The following UBE2E2 variants were observed in gnomAD, a reference collection of about 807,000 sequenced individuals.
The protein encoded by UBE2E2 is ubiquitin-conjugating enzyme E2 E2.
A neutral mutation model predicts 24.7 loss-of-function variants in UBE2E2; 6 were observed. That is an observed-to-expected ratio of 0.24 (90% CI 0.13 to 0.48). The LOEUF is 0.48. Ranked by LOEUF, UBE2E2 falls within the 20% of genes least tolerant of loss-of-function variation. UBE2E2 has a pLI of 0.99. For missense variants in UBE2E2, 169 were observed against 245.0 expected, an observed-to-expected ratio of 0.69 and a Z score of 2.07; for synonymous variants, 104 against 83.6, an observed-to-expected ratio of 1.24 and a Z score of -1.33.
rs548283472 is a variant in UBE2E2, at chr3:23,472,410, C to CT, written c.228-27197dup. 8.9e-4 allele frequency among the ~76,000 whole-genome samples: 136 copies of CT among 152,176 alleles called. 1 individual carries two copies. Among genetic ancestry groups the CT allele is most frequent in the Non-Finnish European group, 1.7e-3 (116 of 68,032 alleles). On this transcript the variant is annotated intron_variant, in intron 3 of 5. Coordinates refer to ENST00000396703, the MANE Select transcript of UBE2E2 (RefSeq NM_152653.4). ...AGCACTTAGATACAGGACCATGTGA[C>CT]TGAGTCCTGGCCACCGACAAGGGGT...
At chr3:23,572,118 CA>C (rs1431523241) in intron 5 of UBE2E2, among the ~76,000 whole-genome samples, 3 of 152,108 alleles carry the variant, frequency 2.0e-5, no homozygotes, top group African/African-American at 7.2e-5. Context: ...TTAGCATTCC[CA>C]ATTTTAGATC....
chr3:23,504,150 A>C (rs1694376027), intron 4 of UBE2E2, among the ~76,000 whole-genome samples: 1 of 152,184 alleles, frequency 6.6e-6, no homozygotes, highest in African/African-American at 2.4e-5. Context: ...ATACATAAAC[A>C]CACATACACC....
chr3:23,584,528 G>A (rs780548126), intron 5 of UBE2E2, among the ~76,000 whole-genome samples: 12 of 151,334 alleles, frequency 7.9e-5, no homozygotes, highest in East Asian at 1.9e-4. Context: ...CAAAAAATGC[G>A]AAGAGGTAGA....
intron 3 of UBE2E2, among the ~76,000 whole-genome samples, chr3:23,382,500 C>T (rs1696699851): frequency 6.6e-6 from 1 of 152,158 alleles, no homozygotes; most frequent in African/African-American, 2.4e-5. Flanking sequence ...AAATCTTAAA[C>T]ACTGGTTTTA....
intron 3 of UBE2E2, among the ~76,000 whole-genome samples, chr3:23,262,993 A>G (rs1024278720): frequency 1.3e-5 from 2 of 152,306 alleles, no homozygotes; most frequent in South Asian, 2.1e-4. Context: ...TTCTGAGTGT[A>G]CAGAGGGAAA....
chr3:23,528,454 G>T (rs144713669), intron 4 of UBE2E2, among the ~76,000 whole-genome samples: 211 of 152,310 alleles, frequency 1.4e-3, no homozygotes, highest in African/African-American at 4.8e-3. Flanking sequence ...CTGAAAGAGA[G>T]TGAGCCAGCA....
intron 3 of UBE2E2, among the ~76,000 whole-genome samples, chr3:23,227,254 G>T (rs1696851305): frequency 1.3e-5 from 2 of 152,076 alleles, no homozygotes; most frequent in Non-Finnish European, 2.9e-5. Context: ...TGCATTTTGT[G>T]TAGAAACCTC....
intron 2 of UBE2E2, 118 bp downstream of exon 2, chr3:23,208,993 T>G: frequency 8.9e-7 from 1 of 1,117,476 alleles, no homozygotes; most frequent in South Asian, 1.8e-5. Context: ...CATGGATTTT[T>G]CTTTTCCCTT....
intron 5 of UBE2E2, among the ~76,000 whole-genome samples, chr3:23,536,204 A>G (rs1056457943): frequency 6.6e-5 from 10 of 152,178 alleles, no homozygotes; most frequent in African/African-American, 2.4e-4. Flanking sequence ...TTCTTTAACA[A>G]TTATTTAAAA....
At chr3:23,477,556 A>G (rs1017028170) in intron 3 of UBE2E2, among the ~76,000 whole-genome samples, 9 of 152,244 alleles carry the variant, frequency 5.9e-5, no homozygotes, top group Non-Finnish European at 1.0e-4. Flanking sequence ...TCTGCAGCAC[A>G]TAGAACAGTG....
intron 5 of UBE2E2, among the ~76,000 whole-genome samples, chr3:23,562,757 G>C (rs939939155): frequency 1.3e-5 from 2 of 152,140 alleles, no homozygotes; most frequent in African/African-American, 4.8e-5. Flanking sequence ...GCCTGTTATT[G>C]GTCTATTAAA....
At chr3:23,577,608 A>G (rs1313728834) in intron 5 of UBE2E2, among the ~76,000 whole-genome samples, 3 of 152,268 alleles carry the variant, frequency 2.0e-5, no homozygotes, top group Non-Finnish European at 2.9e-5. Flanking sequence ...TGCAAGATGT[A>G]GAAGCAGTTG....
At chr3:23,427,938 A>G (rs144960437) in intron 3 of UBE2E2, among the ~76,000 whole-genome samples, 17 of 152,352 alleles carry the variant, frequency 1.1e-4, no homozygotes, top group African/African-American at 4.1e-4. Flanking sequence ...TTACAGAACT[A>G]TAAAGAGAAA....
At chr3:23,468,528 C>T (rs1359614678) in intron 3 of UBE2E2, among the ~76,000 whole-genome samples, 1 of 152,074 alleles carries the variant, frequency 6.6e-6, no homozygotes, top group African/African-American at 2.4e-5. Context: ...ATATCGAGTA[C>T]AATACTAACT....
chr3:23,486,196 G>T (rs907105531), intron 3 of UBE2E2, among the ~76,000 whole-genome samples: 34 of 152,216 alleles, frequency 2.2e-4, no homozygotes, highest in Non-Finnish European at 4.9e-4. Context: ...TGCACAGCCA[G>T]GTACACTGGC....
At chr3:23,469,705 A>G (rs886999693) in intron 3 of UBE2E2, among the ~76,000 whole-genome samples, 2 of 152,256 alleles carry the variant, frequency 1.3e-5, no homozygotes, top group Non-Finnish European at 2.9e-5. Context: ...TTAATATTAT[A>G]CATGATTAAA....
At chr3:23,562,459 G>T (rs913680600) in intron 5 of UBE2E2, among the ~76,000 whole-genome samples, 7 of 152,190 alleles carry the variant, frequency 4.6e-5, no homozygotes, top group Admixed American at 1.3e-4. Flanking sequence ...TGTGCTGCTG[G>T]ATTCGGTTTG....
At chr3:23,323,086 T>G (rs1008716702) in intron 3 of UBE2E2, among the ~76,000 whole-genome samples, 3 of 152,010 alleles carry the variant, frequency 2.0e-5, no homozygotes, top group African/African-American at 7.2e-5. Context: ...TTATCTAGAT[T>G]TATTAGGCTT....
chr3:23,292,989 C>T (rs893219796), intron 3 of UBE2E2, among the ~76,000 whole-genome samples: 2 of 152,176 alleles, frequency 1.3e-5, no homozygotes, highest in African/African-American at 2.4e-5. Context: ...AGGAGAATCG[C>T]TTGAACCTGG....
Sources: gnomAD v4.1 joint callset for allele counts (sites outside exome capture counted in the v4.1 genomes callset) on GRCh38, gnomAD v4.1.1 for gene constraint, MANE v1.5 for transcripts, NCBI Gene and HGNC (gene_info 2026-07-23, HGNC 2026-07-21) for gene names.